LHCGR: variants seen among roughly 807,000 people sequenced by gnomAD.
LHCGR encodes lutropin-choriogonadotropic hormone receptor.
A neutral mutation model predicts 60.7 loss-of-function variants in LHCGR; 55 were observed. The observed-to-expected ratio is 0.91, with a 90% CI of 0.73 to 1.13. The LOEUF (loss-of-function observed/expected upper bound fraction) is 1.13, where lower values mean the gene tolerates loss of function less well. Ranked by LOEUF, LHCGR falls within the 50% of genes most tolerant of loss-of-function variation. The pLI, the probability that LHCGR is intolerant of heterozygous loss-of-function variation, is 0.00. For synonymous variants in LHCGR, 337 were observed against 316.5 expected, an observed-to-expected ratio of 1.06 and a Z score of -0.69; for missense variants, 862 against 836.0, an observed-to-expected ratio of 1.03 and a Z score of -0.38.
intron 1 of LHCGR, among the ~76,000 whole-genome samples, chr2:48,736,885 G>A (rs1175344501): frequency 6.6e-6 from 1 of 152,196 alleles, no homozygotes; most frequent in Non-Finnish European, 1.5e-5. Flanking sequence ...GGAAAATAGA[G>A]TTCAATTGAC....
intron 6 of LHCGR, among the ~76,000 whole-genome samples, chr2:48,714,559 A>C (rs530148416): frequency 2.6e-5 from 4 of 151,898 alleles, no homozygotes; most frequent in African/African-American, 9.7e-5. Flanking sequence ...AGAAGATTTC[A>C]ATGTCTGTAA....
At chr2:48,706,528 A>G (rs1010025564) in intron 8 of LHCGR, among the ~76,000 whole-genome samples, 5 of 152,236 alleles carry the variant, frequency 3.3e-5, no homozygotes, top group African/African-American at 9.6e-5. Context: ...AGGTACACCA[A>G]TCAAACGTAG....
chr2:48,732,166 G>T (rs149325836), intron 1 of LHCGR, among the ~76,000 whole-genome samples: 1 of 152,354 alleles, frequency 6.6e-6, no homozygotes, highest in East Asian at 1.9e-4. Flanking sequence ...TCAGGAGAAA[G>T]CAACTGCAAG....
rs932411503 is a variant in LHCGR, at chr2:48,705,887, G to A, written c.680+3061C>T. 5.3e-5 allele frequency among the ~76,000 whole-genome samples: 8 copies of A among 152,132 alleles called. No homozygotes were observed. In the East Asian group the frequency reaches 5.8e-4, roughly 11 times the overall value. On this transcript the variant is annotated intron_variant, in intron 8 of 10. Coordinates refer to ENST00000294954, the MANE Select transcript of LHCGR (RefSeq NM_000233.4). Reference sequence around the variant, plus strand: ...GTCTTTTATTTGGGGCATTTAGCCCGTTTACATTTAAGATTAATATTGTTA... The same window carrying A: ...GTCTTTTATTTGGGGCATTTAGCCCATTTACATTTAAGATTAATATTGTTA...
chr2:48,712,685 AATTAT>A (rs1187563369), intron 7 of LHCGR, among the ~76,000 whole-genome samples: 10 of 150,770 alleles, frequency 6.6e-5, no homozygotes, highest in African/African-American at 2.4e-4. Context: ...ACTTATAATT[AATTAT>A]ATTATATATT....
intron 9 of LHCGR, among the ~76,000 whole-genome samples, chr2:48,695,956 G>T (rs1370138070): frequency 2.6e-5 from 4 of 151,998 alleles, no homozygotes. Context: ...CTTCCTGGAT[G>T]CAATATACTC....
Position 48,725,766 on chromosome 2 carries a change from G to GAA in LHCGR, c.309-18_309-17dup. On this transcript the variant is annotated splice_polypyrimidine_tract_variant and intron_variant, in intron 3 of 10. Transcript: ENST00000294954. ...CTGGATCAGTCTGTAAAGAGAGAGG[G>GAA]AAAAAAAAAGCTGCTGTTTAATAGA... 2 of 1,562,538 alleles carry GAA rather than the reference G, an allele frequency of 1.3e-6. No individual in the cohort carries two copies. The highest frequency in any genetic ancestry group is 8.8e-7 in the Non-Finnish European group (1 of 1,137,906).
At chr2:48,709,557 A>G (rs994776524) in intron 7 of LHCGR, among the ~76,000 whole-genome samples, 5 of 152,186 alleles carry the variant, frequency 3.3e-5, no homozygotes, top group African/African-American at 1.2e-4. Flanking sequence ...TCTGTGGGTG[A>G]GAAAGAGGAG....
intron 2 of LHCGR, among the ~76,000 whole-genome samples, chr2:48,729,812 C>G (rs1300980547): frequency 1.3e-5 from 2 of 152,176 alleles, no homozygotes; most frequent in Middle Eastern, 3.2e-3. Context: ...CTGTTTTTCT[C>G]ACTTGTGAGC....
chr2:48,713,100 T>C (rs1047631044), intron 7 of LHCGR, among the ~76,000 whole-genome samples: 1 of 152,348 alleles, frequency 6.6e-6, no homozygotes, highest in Non-Finnish European at 1.5e-5. Flanking sequence ...CTAGATCCAC[T>C]GAATCCAAGT....
intron 7 of LHCGR, among the ~76,000 whole-genome samples, chr2:48,711,114 A>G (rs1010451216): frequency 9.2e-5 from 14 of 152,030 alleles, no homozygotes; most frequent in Admixed American, 9.2e-4. Context: ...TCTTTCTGTA[A>G]CGTGCTTCCC....
At chr2:48,713,210 C>A (rs906900560) in intron 7 of LHCGR, among the ~76,000 whole-genome samples, 7 of 114,088 alleles carry the variant, frequency 6.1e-5, no homozygotes, top group Non-Finnish European at 1.1e-4. Context: ...ATGGTTTATA[C>A]AACTTATTGA....
At chr2:48,705,839 C>G (rs571771947) in intron 8 of LHCGR, among the ~76,000 whole-genome samples, 5 of 152,046 alleles carry the variant, frequency 3.3e-5, no homozygotes, top group African/African-American at 9.7e-5. Flanking sequence ...GGTCTTGACT[C>G]GTTATCCAAT....
At chr2:48,738,252 G>A (rs1332792438) in intron 1 of LHCGR, among the ~76,000 whole-genome samples, 1 of 151,812 alleles carries the variant, frequency 6.6e-6, no homozygotes, top group Admixed American at 6.6e-5. Flanking sequence ...AGTATTATTT[G>A]AGAATTTACC....
intron 1 of LHCGR, among the ~76,000 whole-genome samples, chr2:48,732,465 T>G (rs1368360270): frequency 6.6e-6 from 1 of 152,238 alleles, no homozygotes; most frequent in East Asian, 1.9e-4. Context: ...TAAGCTACTA[T>G]GTGAGTTATA....
At chr2:48,713,695 G>C (rs1008447443) in intron 7 of LHCGR, among the ~76,000 whole-genome samples, 8 of 152,156 alleles carry the variant, frequency 5.3e-5, no homozygotes. Flanking sequence ...ATCAACCTGA[G>C]TGAGGGGGCT....
chr2:48,738,365 TACAC>T (rs1367002455), intron 1 of LHCGR, among the ~76,000 whole-genome samples: 3 of 152,210 alleles, frequency 2.0e-5, no homozygotes, highest in Non-Finnish European at 4.4e-5. Context: ...CTTTACTCCT[TACAC>T]ACTGCTACTC....
intron 6 of LHCGR, chr2:48,721,750 T>C (rs564646059): frequency 2.1e-6 from 1 of 471,210 alleles, no homozygotes; most frequent in South Asian, 1.5e-5. Flanking sequence ...GGTGAGCTCC[T>C]TTATTGCCTC....
intron 1 of LHCGR, among the ~76,000 whole-genome samples, chr2:48,748,392 C>T (rs1669804645): frequency 6.6e-6 from 1 of 152,066 alleles, no homozygotes; most frequent in Non-Finnish European, 1.5e-5. Context: ...GATGCTTTAG[C>T]TGGGCAGACA....
Sources: gnomAD v4.1 joint callset for allele counts (sites outside exome capture counted in the v4.1 genomes callset) on GRCh38, gnomAD v4.1.1 for gene constraint, MANE v1.5 for transcripts, NCBI Gene and HGNC (gene_info 2026-07-23, HGNC 2026-07-21) for gene names.